Variants in PCNX1 observed in about 807,000 individuals in gnomAD.
PCNX1 encodes the protein pecanex-like protein 1.
Under a neutral mutation model 242.2 loss-of-function variants are expected in PCNX1, and 78 were observed. The observed-to-expected ratio is 0.32, with a 90% CI of 0.27 to 0.39. The LOEUF (loss-of-function observed/expected upper bound fraction) is 0.39, where lower values mean the gene tolerates loss of function less well. Ranked by LOEUF, PCNX1 falls within the 10% of genes least tolerant of loss-of-function variation. The pLI is 1.00. For missense variants in PCNX1, 2,581 were observed against 2,856.5 expected (o/e 0.90, Z 2.20); for synonymous variants, 1,024 against 1,032.9 (o/e 0.99, Z 0.17).
intron 5 of PCNX1, among the ~76,000 whole-genome samples, chr14:70,976,539 A>AT (rs898152974): frequency 6.6e-6 from 1 of 151,772 alleles, no homozygotes; most frequent in African/African-American, 2.4e-5. Context: ...CGCCCGGCTA[A>AT]TTTTTTTGTA....
intron 1 of PCNX1, among the ~76,000 whole-genome samples, chr14:70,941,164 T>C (rs1427360063): frequency 1.3e-5 from 2 of 152,254 alleles, no homozygotes; most frequent in Non-Finnish European, 2.9e-5. Flanking sequence ...CTTTGTTCCA[T>C]TGCTGGCGAG....
chr14:70,974,352 C>T (rs1415988646), intron 5 of PCNX1, among the ~76,000 whole-genome samples: 2 of 149,416 alleles, frequency 1.3e-5, no homozygotes, highest in African/African-American at 4.9e-5. Context: ...CCAGGCTGAT[C>T]TCGAACTCCT....
At position 70,956,682 on chromosome 14, in the gene PCNX1, G is replaced by A. The variant is rs553707630; in HGVS notation, c.363-5544G>A. Among the ~76,000 whole-genome samples, 10 of 152,298 alleles carry A rather than the reference G, an allele frequency of 6.6e-5. No homozygotes were observed. In the South Asian group the frequency reaches 2.1e-3, roughly 32 times the overall value. ...GTTATGAGTACGTGTGTTCAAGTGTGTGGGAAATAAAGAAAGAACAGATAT... is the reference window on the plus strand; with the variant it reads ...GTTATGAGTACGTGTGTTCAAGTGTATGGGAAATAAAGAAAGAACAGATAT... On this transcript the variant is annotated intron_variant, in intron 2 of 35. Coordinates refer to ENST00000304743, the MANE Select transcript of PCNX1 (RefSeq NM_014982.3).
At position 70,933,614 on chromosome 14, in the gene PCNX1, A is replaced by G. The variant is rs190722098; in HGVS notation, c.154-13301A>G. On this transcript the variant is annotated intron_variant, in intron 1 of 35. Coordinates refer to ENST00000304743, the MANE Select transcript of PCNX1 (RefSeq NM_014982.3). The stretch of plus-strand genomic sequence containing the variant: ...ACAGATCATCTACAAACTGAAGTAT[A>G]TGTTGTTTTGGCCCTAAGAAAAAAG... 5.6e-3 allele frequency among the ~76,000 whole-genome samples: 856 copies of G among 152,276 alleles called. 8 individuals carry two copies. The highest frequency in any genetic ancestry group is 0.019 in the African/African-American group (807 of 41,542).
At chr14:70,947,253 A>C in intron 2 of PCNX1, 130 bp downstream of exon 2, 1 of 670,824 alleles carries the variant, frequency 1.5e-6, no homozygotes, top group Non-Finnish European at 2.6e-6. Context: ...ACCACTGTAG[A>C]TACAATGATG....
chr14:70,950,691 GTAAA>G (rs1201861687), intron 2 of PCNX1, among the ~76,000 whole-genome samples: 2 of 151,836 alleles, frequency 1.3e-5, no homozygotes, highest in Non-Finnish European at 2.9e-5. Context: ...TGTTTAATAT[GTAAA>G]TAAATTATTG....
chr14:71,080,090 G>A (rs994540114), intron 28 of PCNX1, among the ~76,000 whole-genome samples: 1 of 152,184 alleles, frequency 6.6e-6, no homozygotes, highest in Non-Finnish European at 1.5e-5. Flanking sequence ...TTCTGCATAT[G>A]GGTAGCCAGT....
intron 1 of PCNX1, among the ~76,000 whole-genome samples, chr14:70,940,918 G>A (rs2057213939): frequency 6.6e-6 from 1 of 151,912 alleles, no homozygotes; most frequent in South Asian, 2.1e-4. Context: ...GATCGAATCG[G>A]CTACTGAAGG....
At chr14:71,072,377 A>T (rs1022052907) in intron 26 of PCNX1, among the ~76,000 whole-genome samples, 1 of 152,238 alleles carries the variant, frequency 6.6e-6, no homozygotes, top group Non-Finnish European at 1.5e-5. Flanking sequence ...AACACTATGT[A>T]ACATTATTAT....
chr14:70,916,523 G>C (rs971896742), intron 1 of PCNX1, among the ~76,000 whole-genome samples: 2 of 152,210 alleles, frequency 1.3e-5, no homozygotes, highest in African/African-American at 4.8e-5. Flanking sequence ...CACAAATTTT[G>C]TGGTTTTCCA....
intron 22 of PCNX1, chr14:71,049,047 A>T (rs1176708149): frequency 1.0e-6 from 1 of 953,952 alleles, no homozygotes; most frequent in East Asian, 1.2e-4. Flanking sequence ...AATTGTATAA[A>T]GAAGCATGTG....
intron 1 of PCNX1, among the ~76,000 whole-genome samples, chr14:70,943,756 G>A (rs1333476154): frequency 7.2e-6 from 1 of 138,504 alleles, no homozygotes; most frequent in African/African-American, 2.7e-5. Context: ...CGAGCCCAGA[G>A]GCCTAGAGGA....
intron 1 of PCNX1, among the ~76,000 whole-genome samples, chr14:70,924,501 G>A (rs1466645262): frequency 6.6e-6 from 1 of 152,050 alleles, no homozygotes; most frequent in Non-Finnish European, 1.5e-5. Context: ...TTCACTTAAT[G>A]TCCTTTTTCT....
chr14:70,926,266 T>A (rs2056588103), intron 1 of PCNX1, among the ~76,000 whole-genome samples: 1 of 152,070 alleles, frequency 6.6e-6, no homozygotes, highest in Non-Finnish European at 1.5e-5. Context: ...TTATGTGCTT[T>A]CACTTACTGG....
chr14:71,026,557 G>C (rs1223179589), intron 14 of PCNX1, among the ~76,000 whole-genome samples: 1 of 151,966 alleles, frequency 6.6e-6, no homozygotes, highest in Non-Finnish European at 1.5e-5. Context: ...ATGTGAAAAT[G>C]GTTGAAATAA....
chr14:71,031,049 G>C (rs1402768520), intron 16 of PCNX1, among the ~76,000 whole-genome samples: 1 of 152,126 alleles, frequency 6.6e-6, no homozygotes, highest in Non-Finnish European at 1.5e-5. Flanking sequence ...ACTTCACCAA[G>C]TATACAAGAC....
intron 7 of PCNX1, among the ~76,000 whole-genome samples, chr14:70,993,154 T>G (rs1396444882): frequency 6.6e-6 from 1 of 150,896 alleles, no homozygotes; most frequent in Non-Finnish European, 1.5e-5. Flanking sequence ...AGAGTCTTGC[T>G]CTGTTGCCCA....
chr14:70,985,721 A>C (rs1298634354), intron 6 of PCNX1, among the ~76,000 whole-genome samples: 1 of 152,164 alleles, frequency 6.6e-6, no homozygotes, highest in East Asian at 1.9e-4. Context: ...CTACACATGC[A>C]TAAAGTTTAG....
At chr14:71,105,048 G>A (rs1486037556) in intron 32 of PCNX1, among the ~76,000 whole-genome samples, 187 bp from the exon 33 acceptor site, 1 of 152,222 alleles carries the variant, frequency 6.6e-6, no homozygotes, top group African/African-American at 2.4e-5. Context: ...AATATGACGG[G>A]TATAGTTCTT....
Sources: allele counts gnomAD v4.1 joint callset (sites outside exome capture counted in the v4.1 genomes callset), GRCh38; gene constraint gnomAD v4.1.1; transcripts MANE v1.5; gene names NCBI Gene and HGNC (gene_info 2026-07-23, HGNC 2026-07-21).